The following AP2A1 variants were observed in gnomAD, a reference collection of about 807,000 sequenced individuals.
AP2A1 encodes the protein AP-2 complex subunit alpha-1.
AP2A1 carries 21 observed loss-of-function variants against 107.3 expected under a neutral mutation model. The observed-to-expected ratio is 0.20, with a 90% CI of 0.14 to 0.28. The LOEUF (loss-of-function observed/expected upper bound fraction) is 0.28, where lower values mean the gene tolerates loss of function less well. Among genes scored for constraint, AP2A1 ranks in the 10% least tolerant of loss-of-function variants. AP2A1 has a pLI of 1.00. For missense variants in AP2A1, 873 were observed against 1,307.7 expected, an observed-to-expected ratio of 0.67 and a Z score of 5.13; for synonymous variants, 602 against 564.8, an observed-to-expected ratio of 1.07 and a Z score of -0.93.
chr19:49,777,407 G>A (rs1330275211), intron 1 of AP2A1, among the ~76,000 whole-genome samples: 1 of 151,832 alleles, frequency 6.6e-6, no homozygotes, highest in Non-Finnish European at 1.5e-5. Context: ...AGGCTGAGGC[G>A]GGCGGATCAC....
intron 1 of AP2A1, among the ~76,000 whole-genome samples, chr19:49,781,441 G>T (rs2084673737): frequency 6.6e-6 from 1 of 152,142 alleles, no homozygotes; most frequent in Non-Finnish European, 1.5e-5. Flanking sequence ...GGGGAGTGGG[G>T]ACAGGAGCTC....
intron 4 of AP2A1, among the ~76,000 whole-genome samples, chr19:49,783,161 G>C (rs1221999346): frequency 6.6e-6 from 1 of 152,200 alleles, no homozygotes; most frequent in African/African-American, 2.4e-5. Context: ...TCATGGTCTG[G>C]AGCAGGAGAC....
intron 6 of AP2A1, 44 bp from the exon 7 acceptor site, chr19:49,795,586 C>CCCCCCCCCCCCCCCCCCACA: frequency 1.4e-6 from 1 of 727,796 alleles, no homozygotes; most frequent in Non-Finnish European, 2.5e-6. Flanking sequence ...CCACGTGCCC[C>CCCCCCCCCCCCCCCCCCACA]TCCCACCCCA....
At chr19:49,772,047 T>C (rs939395080) in intron 1 of AP2A1, among the ~76,000 whole-genome samples, 2 of 151,958 alleles carry the variant, frequency 1.3e-5, no homozygotes, top group Non-Finnish European at 1.5e-5. Flanking sequence ...CTTGGCAACA[T>C]AGCAAGACCC....
rs574980182 is a variant in AP2A1, at chr19:49,793,035, G to A, written c.648G>A (p.Lys216=). 40 of 1,610,722 alleles carry A rather than the reference G, an allele frequency of 2.5e-5. No individual in the cohort carries two copies. In the Admixed American group the frequency reaches 6.4e-4, roughly 26 times the overall value. The change falls in exon 6 of 23, where the codon AAG becomes AAA. Residue 216 remains lysine, a synonymous_variant. Coordinates refer to ENST00000354293, the MANE Select transcript of AP2A1 (RefSeq NM_130787.3). ...TCAGCCTCATCACCTGTCTCTGCAA[G>A]AAGAACCCAGATGACTTCAAGACGT... ...AAVSLITCLC[K]KNPDDFKTCV... is the part of the protein sequence containing the mutation.
chr19:49,799,664 T>C lies in AP2A1; in HGVS notation c.1170T>C (p.Ala390=), dbSNP rs1455208221. The C allele has an allele frequency of 1.2e-6, 2 of 1,612,206 alleles. No individual in the cohort carries two copies. The highest frequency in any genetic ancestry group is 1.7e-6 in the Non-Finnish European group (2 of 1,179,876). ...ACGTCAGCGTGCGGCAGCGGGCGGC[T>C]GACCTCCTCTACGCCATGTGTGACC... ...ERDVSVRQRA[A]DLLYAMCDRS... is the part of the protein sequence containing the mutation. Residue 390 remains alanine, a synonymous_variant, in exon 10 of 23, where the codon GCT becomes GCC. Coordinates refer to ENST00000354293, the MANE Select transcript of AP2A1 (RefSeq NM_130787.3).
rs756655264 is a variant in AP2A1 at position 49,799,595 on chromosome 19, T to G, written c.1135-34T>G. Reference sequence around the variant, plus strand: ...GCCAACCCTGTGCCAACAGGGAGTCTAAAACACACCTGGGCTCTGCTCTCC... The same window carrying G: ...GCCAACCCTGTGCCAACAGGGAGTCGAAAACACACCTGGGCTCTGCTCTCC... On this transcript the variant is annotated intron_variant, in intron 9 of 22. Transcript: ENST00000354293. 2.5e-6 allele frequency: 4 copies of G among 1,603,168 alleles called. No homozygotes were observed. In the Admixed American group the frequency reaches 6.7e-5, roughly 27 times the overall value.
rs1600221910 is a variant in AP2A1, at chr19:49,781,740, T to C, written c.68-17T>C. 6.5e-7 allele frequency: 1 copy of C among 1,530,778 alleles called. No homozygotes were observed. The allele number at this position is 1,530,778 out of a possible 1,614,324, so 94.8% of individuals were successfully genotyped here. ...TCCCCAGACCCCTCACTGCCTACCC[T>C]CCTCCTCCTCTCCCAGGTAAGAGCA... is the stretch of plus-strand genomic sequence containing the variant. On this transcript the variant is annotated splice_polypyrimidine_tract_variant and intron_variant, in intron 1 of 22. Coordinates refer to ENST00000354293, the MANE Select transcript of AP2A1 (RefSeq NM_130787.3).
intron 1 of AP2A1, among the ~76,000 whole-genome samples, chr19:49,768,408 C>G (rs1268546360): frequency 6.6e-6 from 1 of 152,112 alleles, no homozygotes; most frequent in African/African-American, 2.4e-5. Flanking sequence ...AGGGACTTCA[C>G]CTCTCGGTTT....
Position 49,767,032 on chromosome 19 carries a change from T to C in AP2A1, c.-102T>C. On this transcript the variant is annotated 5_prime_UTR_variant, in exon 1 of 23. Coordinates refer to ENST00000354293, the MANE Select transcript of AP2A1 (RefSeq NM_130787.3). ...CAGCCCTCCCCGCGGCCGGCTCGGC[T>C]CCTTGGCGCTGCCTGGGGTCCTTTC... 8.3e-7 allele frequency: 1 copy of C among 1,203,434 alleles called. No homozygotes were observed. The highest frequency in any genetic ancestry group is 1.1e-6 in the Non-Finnish European group (1 of 912,054). The allele number at this position is 1,203,434 out of a possible 1,614,324, so 74.5% of individuals were successfully genotyped here. A position where few individuals can be genotyped will look rare whatever the true frequency, so the allele number is the denominator to read the frequency against.
At chr19:49,772,329 C>T (rs1367633311) in intron 1 of AP2A1, among the ~76,000 whole-genome samples, 1 of 139,684 alleles carries the variant, frequency 7.2e-6, no homozygotes, top group Non-Finnish European at 1.5e-5. Context: ...GCGCGATCTC[C>T]GCTCACTGCA....
chr19:49,777,583 A>AGAGATG (rs1197273237), intron 1 of AP2A1, among the ~76,000 whole-genome samples: 1 of 150,976 alleles, frequency 6.6e-6, no homozygotes, highest in Admixed American at 6.6e-5. Context: ...TGAAGTGAGC[A>AGAGATG]GAGATGGTGC....
chr19:49,773,858 G>C lies in AP2A1; in HGVS notation c.67+6658G>C, dbSNP rs574813570. 5.3e-5 allele frequency among the ~76,000 whole-genome samples: 8 copies of C among 152,342 alleles called. No individual in the cohort carries two copies. The South Asian group carries it at 1.7e-3, about 32-fold the overall frequency. On this transcript the variant is annotated intron_variant, in intron 1 of 22. Coordinates refer to ENST00000354293, the MANE Select transcript of AP2A1 (RefSeq NM_130787.3). The stretch of plus-strand genomic sequence containing the variant: ...TGCCTGTGCAAAGGCCCTGAGGCAG[G>C]ATTGTGCTTGTAGTGGAGCAGGGAC...
chr19:49,769,286 C>G (rs992047289), intron 1 of AP2A1, among the ~76,000 whole-genome samples: 6 of 152,058 alleles, frequency 3.9e-5, no homozygotes, highest in African/African-American at 7.3e-5. Flanking sequence ...AACTCCTGTC[C>G]TTGGGAGCTC....
At chr19:49,806,363 C>A in intron 22 of AP2A1, 110 bp downstream of exon 22, 1 of 1,437,144 alleles carries the variant, frequency 7.0e-7, no homozygotes. Context: ...TTTGACCCTC[C>A]TCCTCTCACA....
chr19:49,800,093 A>G lies in AP2A1; in HGVS notation c.1398A>G (p.Leu466=). The G allele has an allele frequency of 6.2e-7, 1 of 1,613,934 alleles. No homozygotes were observed. Among genetic ancestry groups the G allele is most frequent in the Non-Finnish European group, 8.5e-7 (1 of 1,179,820 alleles). The change falls in exon 11 of 23, where the codon CTA becomes CTG. Residue 466 remains leucine (L), a synonymous_variant. Transcript: ENST00000354293. ...GTGAGGAGGTGTGGTACCGTGTGCT[A>G]CAGATCGTCACCAACCGTGATGACG... ...YVSEEVWYRV[L]QIVTNRDDVQ...
chr19:49,789,758 A>T (rs1312433466), intron 4 of AP2A1, among the ~76,000 whole-genome samples: 1 of 151,978 alleles, frequency 6.6e-6, no homozygotes, highest in Non-Finnish European at 1.5e-5. Flanking sequence ...TTTCTCCCCA[A>T]AGCCGACAAG....
chr19:49,793,405 C>A (rs2073171148), intron 6 of AP2A1, among the ~76,000 whole-genome samples: 1 of 152,194 alleles, frequency 6.6e-6, no homozygotes, highest in African/African-American at 2.4e-5. Context: ...GAGCCAGCCG[C>A]CCTCATGACC....
At chr19:49,800,255 T>G in intron 11 of AP2A1, 105 bp downstream of exon 11, 1 of 1,354,306 alleles carries the variant, frequency 7.4e-7, no homozygotes, top group East Asian at 2.5e-5. Context: ...ACCCTCCTTC[T>G]CCTGCACTGC....
Sources: gnomAD v4.1 joint callset for allele counts (sites outside exome capture counted in the v4.1 genomes callset) on GRCh38, gnomAD v4.1.1 for gene constraint, MANE v1.5 for transcripts, NCBI Gene and HGNC (gene_info 2026-07-23, HGNC 2026-07-21) for gene names.